TAFA1: variants seen among roughly 807,000 people sequenced by gnomAD.
The protein encoded by TAFA1 is TAFA chemokine like family member 1.
Under a neutral mutation model 18.5 loss-of-function variants are expected in TAFA1, and 4 were observed. The ratio of observed to expected loss-of-function variants is 0.22; its 90% CI spans 0.11 to 0.49. TAFA1 has a LOEUF of 0.49. Among genes scored for constraint, TAFA1 ranks in the 20% least tolerant of loss-of-function variants. The pLI is 0.98. For synonymous variants in TAFA1, 56 were observed against 55.2 expected (o/e 1.01, Z -0.06); for missense variants, 147 against 169.0 (o/e 0.87, Z 0.72).
At chr3:68,113,725 T>C (rs6549003) in intron 2 of TAFA1, among the ~76,000 whole-genome samples, 135,068 of 151,942 alleles carry the variant, frequency 0.89, 60,394 homozygotes, top group South Asian at 0.95. Flanking sequence ...AATAGAAAAG[T>C]GGTTTGTAGA....
intron 2 of TAFA1, among the ~76,000 whole-genome samples, chr3:68,094,721 T>C (rs1321468219): frequency 6.6e-6 from 1 of 152,020 alleles, no homozygotes; most frequent in African/African-American, 2.4e-5. Context: ...TATTCTCAAG[T>C]GTAAAATAGA....
chr3:68,510,611 A>T (rs1442997759), intron 3 of TAFA1, among the ~76,000 whole-genome samples: 2 of 152,102 alleles, frequency 1.3e-5, no homozygotes, highest in Non-Finnish European at 2.9e-5. Context: ...AATATTGCTA[A>T]ATAGGTTATA....
intron 2 of TAFA1, among the ~76,000 whole-genome samples, chr3:68,184,050 A>T: frequency 6.6e-6 from 1 of 152,160 alleles, no homozygotes; most frequent in Admixed American, 6.5e-5. Context: ...CAAATGTCTT[A>T]TCCAAACACT....
At chr3:68,198,858 A>G (rs1453419156) in intron 2 of TAFA1, among the ~76,000 whole-genome samples, 1 of 151,458 alleles carries the variant, frequency 6.6e-6, no homozygotes, top group African/African-American at 2.4e-5. Flanking sequence ...CAGAGAATGG[A>G]CATTTTTAAT....
chr3:68,055,040 T>G (rs895007998), intron 2 of TAFA1, among the ~76,000 whole-genome samples: 6 of 152,048 alleles, frequency 3.9e-5, no homozygotes, highest in Non-Finnish European at 5.9e-5. Context: ...CAGGCAGTTG[T>G]TTTGGTGGAG....
chr3:68,169,677 A>C (rs544848383), intron 2 of TAFA1, among the ~76,000 whole-genome samples: 24 of 152,228 alleles, frequency 1.6e-4, no homozygotes, highest in Non-Finnish European at 2.6e-4. Flanking sequence ...ATGCACACTA[A>C]ACTTCATGAC....
intron 2 of TAFA1, among the ~76,000 whole-genome samples, chr3:68,338,772 T>A (rs1203372729): frequency 6.6e-6 from 1 of 152,222 alleles, no homozygotes; most frequent in Non-Finnish European, 1.5e-5. Context: ...TAATCAGTTA[T>A]TGCTACCATA....
chr3:68,393,697 A>C (rs1176639138), intron 2 of TAFA1, among the ~76,000 whole-genome samples: 1 of 152,172 alleles, frequency 6.6e-6, no homozygotes, highest in Non-Finnish European at 1.5e-5. Context: ...GAGGATGCAA[A>C]GCTGATTCAA....
chr3:68,009,798 A>G (rs1333742923), intron 2 of TAFA1, among the ~76,000 whole-genome samples: 1 of 152,142 alleles, frequency 6.6e-6, no homozygotes, highest in African/African-American at 2.4e-5. Context: ...TTTGGATGAG[A>G]GTTGTGACGT....
chr3:68,416,238 TC>T (rs1353387913), intron 2 of TAFA1, among the ~76,000 whole-genome samples: 6 of 152,320 alleles, frequency 3.9e-5, no homozygotes, highest in African/African-American at 1.4e-4. Flanking sequence ...CTTCTCTCCT[TC>T]CTTTCTCCCT....
At chr3:68,466,142 C>G (rs2071881260) in intron 3 of TAFA1, among the ~76,000 whole-genome samples, 1 of 151,794 alleles carries the variant, frequency 6.6e-6, no homozygotes, top group African/African-American at 2.4e-5. Context: ...TGAGGTTGGG[C>G]TGGGTATGAG....
chr3:68,390,396 GC>G (rs1253072131), intron 2 of TAFA1, among the ~76,000 whole-genome samples: 1 of 152,206 alleles, frequency 6.6e-6, no homozygotes, highest in Non-Finnish European at 1.5e-5. Flanking sequence ...CTGGGACAGA[GC>G]ACCTATGGGA....
At chr3:68,261,063 C>T (rs1286853084) in intron 2 of TAFA1, among the ~76,000 whole-genome samples, 4 of 151,394 alleles carry the variant, frequency 2.6e-5, no homozygotes, top group African/African-American at 9.7e-5. Flanking sequence ...TGAACTCAAA[C>T]AAATTTACAA....
chr3:68,281,960 A>G (rs1296433418), intron 2 of TAFA1, among the ~76,000 whole-genome samples: 3 of 152,204 alleles, frequency 2.0e-5, no homozygotes, highest in Non-Finnish European at 2.9e-5. Flanking sequence ...AAAGAAGTTT[A>G]ATTGACCCAT....
At chr3:68,259,142 C>A (rs1050922558) in intron 2 of TAFA1, among the ~76,000 whole-genome samples, 1 of 152,136 alleles carries the variant, frequency 6.6e-6, no homozygotes. Flanking sequence ...CACTGTGGGT[C>A]TTTGGGACTG....
chr3:68,381,411 G>C (rs1164882830), intron 2 of TAFA1, among the ~76,000 whole-genome samples: 1 of 151,970 alleles, frequency 6.6e-6, no homozygotes, highest in African/African-American at 2.4e-5. Flanking sequence ...AGCATGGAAT[G>C]TTCTTCCATT....
intron 2 of TAFA1, among the ~76,000 whole-genome samples, chr3:68,355,145 G>A (rs1434714033): frequency 6.6e-6 from 1 of 151,938 alleles, no homozygotes; most frequent in Non-Finnish European, 1.5e-5. Flanking sequence ...AAAAAACTGT[G>A]AGGGTCTTGC....
At chr3:68,062,055 T>A (rs2064609848) in intron 2 of TAFA1, among the ~76,000 whole-genome samples, 1 of 152,216 alleles carries the variant, frequency 6.6e-6, no homozygotes, top group Admixed American at 6.5e-5. Flanking sequence ...TTATTTTAGA[T>A]GCTATCAGTT....
chr3:68,457,234 A>G (rs932353450), intron 3 of TAFA1, among the ~76,000 whole-genome samples: 3 of 152,160 alleles, frequency 2.0e-5, no homozygotes, highest in African/African-American at 7.2e-5. Context: ...ATCTTGGTTT[A>G]TATTCTCTCA....
Sources: allele counts gnomAD v4.1 joint callset (sites outside exome capture counted in the v4.1 genomes callset), GRCh38; gene constraint gnomAD v4.1.1; transcripts MANE v1.5; gene names NCBI Gene and HGNC (gene_info 2026-07-23, HGNC 2026-07-21).